MUC7: variants seen among roughly 807,000 people sequenced by gnomAD.
The protein encoded by MUC7 is mucin 7, secreted, also known as mucin-7.
MUC7 carries 2 observed loss-of-function variants against 2.5 expected under a neutral mutation model. The ratio of observed to expected loss-of-function variants is 0.81; its 90% CI spans 0.33 to 2.55. The LOEUF is 2.55. Ranked by LOEUF, MUC7 falls within the 30% of genes most tolerant of loss-of-function variation. The pLI, the probability that MUC7 is intolerant of heterozygous loss-of-function variation, is 0.11. For synonymous variants in MUC7, 133 were observed against 173.4 expected, an observed-to-expected ratio of 0.77 and a Z score of 1.83; for missense variants, 408 against 455.6, an observed-to-expected ratio of 0.90 and a Z score of 0.95.
At chr4:70,440,318 A>G (rs1733969618) in intron 1 of MUC7, among the ~76,000 whole-genome samples, 1 of 152,152 alleles carries the variant, frequency 6.6e-6, no homozygotes, top group Non-Finnish European at 1.5e-5. Flanking sequence ...CATCTTTAAA[A>G]TGTCATATGA....
intron 1 of MUC7, among the ~76,000 whole-genome samples, chr4:70,430,932 C>T (rs989365932): frequency 3.9e-5 from 6 of 152,214 alleles, no homozygotes; most frequent in South Asian, 4.1e-4. Flanking sequence ...CCACATTCTT[C>T]CTAATTTACC....
chr4:70,447,546 T>C (rs1003503172), intron 1 of MUC7, among the ~76,000 whole-genome samples: 2 of 152,192 alleles, frequency 1.3e-5, no homozygotes, highest in Non-Finnish European at 2.9e-5. Context: ...TGATAATACA[T>C]CATAGTAATA....
At position 70,482,277 on chromosome 4, in the gene MUC7, G is replaced by C. The variant is rs572429589; in HGVS notation, c.*399G>C. ...ACCATCTAATCCTATAAACATAAAGGGGTAAAATTGGAACTCTCCAGATGA... is the reference window on the plus strand; with the variant it reads ...ACCATCTAATCCTATAAACATAAAGCGGTAAAATTGGAACTCTCCAGATGA... On this transcript the variant is annotated 3_prime_UTR_variant, in exon 3 of 3. Transcript: ENST00000304887. 393 of 173,162 alleles carry C rather than the reference G, an allele frequency of 2.3e-3. 3 individuals are homozygous for C. The highest frequency in any genetic ancestry group is 3.0e-3 in the Middle Eastern group (1 of 332). 10.7% of individuals were successfully genotyped at this position (173,162 alleles called of 1,614,324 possible).
intron 1 of MUC7, among the ~76,000 whole-genome samples, chr4:70,472,654 T>C (rs1734866538): frequency 6.6e-6 from 1 of 152,178 alleles, no homozygotes; most frequent in Non-Finnish European, 1.5e-5. Flanking sequence ...ATTTGTAATA[T>C]ATATATTATT....
chr4:70,439,724 A>G (rs930590915), intron 1 of MUC7, among the ~76,000 whole-genome samples: 1 of 152,078 alleles, frequency 6.6e-6, no homozygotes, highest in African/African-American at 2.4e-5. Context: ...TATTTCAATC[A>G]AATAAGACTG....
intron 1 of MUC7, among the ~76,000 whole-genome samples, chr4:70,450,121 G>A (rs578084365): frequency 5.9e-5 from 9 of 152,268 alleles, no homozygotes; most frequent in East Asian, 3.9e-4. Flanking sequence ...ATAAGTCTAC[G>A]TACTGTTCTA....
chr4:70,440,156 T>C (rs1028611192), intron 1 of MUC7, among the ~76,000 whole-genome samples: 1 of 152,204 alleles, frequency 6.6e-6, no homozygotes, highest in African/African-American at 2.4e-5. Flanking sequence ...TTTCCTCTCA[T>C]TTCTCTGATG....
chr4:70,449,931 G>A (rs1425930972), intron 1 of MUC7, among the ~76,000 whole-genome samples: 1 of 152,164 alleles, frequency 6.6e-6, no homozygotes, highest in Non-Finnish European at 1.5e-5. Flanking sequence ...CTTGCCCAAG[G>A]CCTGCTCTAA....
intron 1 of MUC7, among the ~76,000 whole-genome samples, chr4:70,443,866 C>T (rs573636315): frequency 6.8e-4 from 104 of 152,284 alleles, no homozygotes; most frequent in African/African-American, 2.5e-3. Context: ...AAACCAAAAG[C>T]TTTTCCACAG....
At position 70,482,929 on chromosome 4, in the gene MUC7, A is replaced by G. The variant is rs1352377775; in HGVS notation, c.*1051A>G. On this transcript the variant is annotated 3_prime_UTR_variant, in exon 3 of 3. Coordinates refer to ENST00000304887, the MANE Select transcript of MUC7 (RefSeq NM_152291.3). ...GGAGGCATTTTTATCTTCTGTCACT[A>G]CTACTTAAAACTCTGATGATTATGT... 1.3e-5 allele frequency: 2 copies of G among 152,332 alleles called. No homozygotes were observed. The highest frequency in any genetic ancestry group is 4.8e-5 in the African/African-American group (2 of 41,440). 9.4% of individuals were successfully genotyped at this position (152,332 alleles called of 1,614,324 possible). A position where few individuals can be genotyped will look rare whatever the true frequency, so the allele number is the denominator to read the frequency against.
chr4:70,437,918 G>T (rs1282773017), intron 1 of MUC7, among the ~76,000 whole-genome samples: 2 of 152,128 alleles, frequency 1.3e-5, no homozygotes, highest in Non-Finnish European at 1.5e-5. Flanking sequence ...TCCTGGAAAG[G>T]TTCATGAAGA....
chr4:70,435,795 A>G (rs933991011), intron 1 of MUC7, among the ~76,000 whole-genome samples: 28 of 152,238 alleles, frequency 1.8e-4, no homozygotes, highest in African/African-American at 6.5e-4. Context: ...TCTTCCTAGC[A>G]TCAATGGTCT....
intron 1 of MUC7, among the ~76,000 whole-genome samples, chr4:70,445,347 G>C (rs1275196882): frequency 6.6e-6 from 1 of 152,162 alleles, no homozygotes; most frequent in Non-Finnish European, 1.5e-5. Context: ...AACTAATGAT[G>C]CTATAACAAT....
intron 1 of MUC7, among the ~76,000 whole-genome samples, chr4:70,466,769 A>T (rs1326929265): frequency 6.6e-6 from 1 of 152,206 alleles, no homozygotes; most frequent in Non-Finnish European, 1.5e-5. Flanking sequence ...AAGTTCTTAG[A>T]GACCTACAAA....
At position 70,481,570 on chromosome 4, in the gene MUC7, G is replaced by A. The variant is rs1234670069; in HGVS notation, c.826G>A (p.Ala276Thr). The part of the protein sequence containing the change: ...ATTLDPSSAS[A>T]PPETTAAPPT... Reference sequence around the variant, plus strand: ...TACCCTAGACCCATCATCCGCCTCAGCTCCACCAGAGACCACAGCTGCCCC... The same window carrying A: ...TACCCTAGACCCATCATCCGCCTCAACTCCACCAGAGACCACAGCTGCCCC... The change falls in exon 3 of 3, where the codon GCT (alanine) becomes ACT (threonine). Residue 276 changes from alanine (A) to threonine (T), a missense_variant. This residue lies in a region of MUC7 where 175 missense variants were observed against 187.1 expected (regional missense o/e 0.94). Coordinates refer to ENST00000304887, the MANE Select transcript of MUC7 (RefSeq NM_152291.3). The A allele has an allele frequency of 4.3e-6, 7 of 1,610,820 alleles. No individual in the cohort carries two copies. Among genetic ancestry groups the A allele is most frequent in the African/African-American group, 4.1e-5 (3 of 73,120 alleles).
At chr4:70,478,605 GT>G (rs904227527) in intron 2 of MUC7, among the ~76,000 whole-genome samples, 14 of 152,242 alleles carry the variant, frequency 9.2e-5, no homozygotes, top group African/African-American at 2.9e-4. Flanking sequence ...GTTGCAGCAT[GT>G]TTCATACATG....
In MUC7 at chr4:70,481,858, G is replaced by A; in HGVS notation, c.1114G>A (p.Asp372Asn). 1.2e-6 allele frequency: 2 copies of A among 1,613,924 alleles called. No individual in the cohort carries two copies. Among genetic ancestry groups the A allele is most frequent in the Non-Finnish European group, 1.7e-6 (2 of 1,179,960 alleles). Reference protein sequence around the residue: ...YMKNLLNRIIDDMVEQ With the variant: ...YMKNLLNRIINDMVEQ ...GAAGAATCTACTAAACAGAATTATTGACGACATGGTGGAGCAATAGTATAT... is the reference window on the plus strand; with the variant it reads ...GAAGAATCTACTAAACAGAATTATTAACGACATGGTGGAGCAATAGTATAT... Residue 372 changes from aspartate (D) to asparagine (N), a missense_variant, in exon 3 of 3, where the codon GAC becomes AAC. Physicochemically the swap from Asp to Asn is conservative, Grantham distance 23 (BLOSUM62 1). Coordinates refer to ENST00000304887, the MANE Select transcript of MUC7 (RefSeq NM_152291.3).
chr4:70,482,083 G>C lies in MUC7; in HGVS notation c.*205G>C. On this transcript the variant is annotated 3_prime_UTR_variant, in exon 3 of 3. Transcript: ENST00000304887. Reference sequence around the variant, plus strand: ...CCTCTATCCCACAAGCCAGATGCAGGTCTGGGGTTCAAAATAACTCTTTGG... The same window carrying C: ...CCTCTATCCCACAAGCCAGATGCAGCTCTGGGGTTCAAAATAACTCTTTGG... The C allele has an allele frequency of 1.6e-6, 1 of 635,864 alleles. No homozygotes were observed. The highest frequency in any genetic ancestry group is 2.6e-6 in the Non-Finnish European group (1 of 383,490). 39.4% of individuals were successfully genotyped at this position (635,864 alleles called of 1,614,324 possible). A position where few individuals can be genotyped will look rare whatever the true frequency, so the allele number is the denominator to read the frequency against.
intron 1 of MUC7, among the ~76,000 whole-genome samples, chr4:70,454,529 G>C (rs1734368488): frequency 1.3e-5 from 2 of 152,218 alleles, no homozygotes; most frequent in Non-Finnish European, 2.9e-5. Flanking sequence ...CACTGCAACA[G>C]ATGAGGGAAG....
Sources: gnomAD v4.1 joint callset for allele counts (sites outside exome capture counted in the v4.1 genomes callset) on GRCh38, gnomAD v4.1.1 for gene constraint, gnomAD v4.1.1 regional missense constraint, MANE v1.5 for transcripts, NCBI Gene and HGNC (gene_info 2026-07-23, HGNC 2026-07-21) for gene names.